Variants in DZIP3 observed in about 807,000 individuals in gnomAD.
The protein encoded by DZIP3 is E3 ubiquitin-protein ligase DZIP3.
DZIP3 carries 118 observed loss-of-function variants against 162.0 expected under a neutral mutation model. That is an observed-to-expected ratio of 0.73 (90% CI 0.63 to 0.85). The LOEUF (loss-of-function observed/expected upper bound fraction) is 0.85, where lower values mean the gene tolerates loss of function less well. Among genes scored for constraint, DZIP3 ranks in the 40% least tolerant of loss-of-function variants. The pLI is 0.00. For synonymous variants in DZIP3, 438 were observed against 458.6 expected (o/e 0.96, Z 0.57); for missense variants, 1,331 against 1,407.0 (o/e 0.95, Z 0.86).
chr3:108,593,309 G>GA (rs1301257036), intron 1 of DZIP3, among the ~76,000 whole-genome samples: 3 of 152,094 alleles, frequency 2.0e-5, no homozygotes, highest in Non-Finnish European at 2.9e-5. Context: ...TTCTAGAGAT[G>GA]AAAAAACTAA....
intron 27 of DZIP3, among the ~76,000 whole-genome samples, chr3:108,684,745 C>G (rs894457257): frequency 6.6e-6 from 1 of 152,056 alleles, no homozygotes; most frequent in African/African-American, 2.4e-5. Flanking sequence ...TTTCCACACA[C>G]GTACACACAC....
chr3:108,605,451 T>TC lies in DZIP3; in HGVS notation c.32+17dup. ...AATTTTTTGTGAGGTAAGGCCACAG[T>TC]CCCCAACCTTTTTGGCACCATGGAC... is the stretch of plus-strand genomic sequence containing the variant. On this transcript the variant is annotated intron_variant, in intron 2 of 32. Transcript: ENST00000361582. 1 of 1,612,818 alleles carries TC rather than the reference T, an allele frequency of 6.2e-7. No individual in the cohort carries two copies. The highest frequency in any genetic ancestry group is 8.5e-7 in the Non-Finnish European group (1 of 1,179,526).
In DZIP3 at chr3:108,676,056, G is replaced by T. The variant is rs1030940193; in HGVS notation, c.2781+183G>T. Among the ~76,000 whole-genome samples, 11 of 152,166 alleles carry T rather than the reference G, an allele frequency of 7.2e-5. No individual in the cohort carries two copies. In the East Asian group the frequency reaches 1.7e-3, roughly 24 times the overall value. ...TGTAGATAACATCCTAGACTCACAC[G>T]TGTAGTCTTTTATATCCTTAGTCAA... On this transcript the variant is annotated intron_variant, in intron 25 of 32. Coordinates refer to ENST00000361582, the MANE Select transcript of DZIP3 (RefSeq NM_014648.4).
intron 21 of DZIP3, among the ~76,000 whole-genome samples, chr3:108,666,090 A>G (rs1416819637): frequency 6.6e-6 from 1 of 152,188 alleles, no homozygotes; most frequent in African/African-American, 2.4e-5. Context: ...AATTTCTTAA[A>G]TCATATTTGA....
chr3:108,611,027 T>C, intron 3 of DZIP3, 147 bp from the exon 4 acceptor site: 1 of 669,474 alleles, frequency 1.5e-6, no homozygotes, highest in African/African-American at 1.9e-5. Flanking sequence ...TTATTCTTCC[T>C]TAGATTTTTT....
In DZIP3 at chr3:108,688,743, C is replaced by A; in HGVS notation, c.3414+7C>A. ...GGAAGGAGCCAGTAATCCAGTGAGA[C>A]TGAAATTTTTGATTCTGAACACATT... On this transcript the variant is annotated splice_region_variant and intron_variant, in intron 30 of 32. Transcript: ENST00000361582. 6.2e-7 allele frequency: 1 copy of A among 1,613,676 alleles called. No homozygotes were observed. Among genetic ancestry groups the A allele is most frequent in the Non-Finnish European group, 8.5e-7 (1 of 1,179,920 alleles).
chr3:108,591,649 C>T (rs1340459982), intron 1 of DZIP3, among the ~76,000 whole-genome samples: 1 of 152,172 alleles, frequency 6.6e-6, no homozygotes, highest in African/African-American at 2.4e-5. Flanking sequence ...GAGATACTTG[C>T]ATATCCTAAT....
rs1259643163 is a variant in DZIP3, at chr3:108,662,239, G to A, written c.2405G>A (p.Gly802Glu). 4 of 1,595,458 alleles carry A rather than the reference G, an allele frequency of 2.5e-6. No homozygotes were observed. The highest frequency in any genetic ancestry group is 1.8e-5 in the Admixed American group (1 of 54,396). Residue 802 changes from glycine to glutamate, a missense_variant, in exon 21 of 33, where the codon GGA (glycine) becomes GAA (glutamate). Gly to Glu is a moderately conservative substitution (Grantham distance 98). This residue lies in a region of DZIP3 where 1,278 missense variants were observed against 1,317.1 expected (regional missense o/e 0.97). Coordinates refer to ENST00000361582, the MANE Select transcript of DZIP3 (RefSeq NM_014648.4). Reference protein sequence around the residue: ...IASLNQQVAFGINKVSKLQRQ... With the variant: ...IASLNQQVAFEINKVSKLQRQ... Reference sequence around the variant, plus strand: ...TCTCTTAATCAACAAGTTGCTTTTGGAATCAATAAGGTTTCCAAGTAAGTG... The same window carrying A: ...TCTCTTAATCAACAAGTTGCTTTTGAAATCAATAAGGTTTCCAAGTAAGTG...
intron 15 of DZIP3, 146 bp from the exon 16 acceptor site, chr3:108,647,797 C>T: frequency 1.6e-6 from 1 of 638,138 alleles, no homozygotes; most frequent in South Asian, 2.6e-5. Context: ...AAATGAACAT[C>T]ACATTTTCAT....
intron 31 of DZIP3, among the ~76,000 whole-genome samples, chr3:108,689,665 T>C (rs1463381626): frequency 6.6e-6 from 1 of 152,116 alleles, no homozygotes; most frequent in Non-Finnish European, 1.5e-5. Flanking sequence ...CCAGCCTGGG[T>C]GATAGAGTGA....
At chr3:108,661,040 C>G (rs1299616330) in intron 19 of DZIP3, among the ~76,000 whole-genome samples, 1 of 152,184 alleles carries the variant, frequency 6.6e-6, no homozygotes, top group African/African-American at 2.4e-5. Flanking sequence ...GTTGGTGGGA[C>G]TGTAAACTAG....
In DZIP3 at chr3:108,616,700, C is replaced by A; in HGVS notation, c.375+43C>A. On this transcript the variant is annotated intron_variant, in intron 5 of 32. Coordinates refer to ENST00000361582, the MANE Select transcript of DZIP3 (RefSeq NM_014648.4). ...GGAAATTTGATATAATGGACTTGGT[C>A]AACATTTCTCAGTGAGAAAACAGCC... is the stretch of plus-strand genomic sequence containing the variant. 2.9e-6 allele frequency: 4 copies of A among 1,372,242 alleles called. No individual in the cohort carries two copies. In the South Asian group the frequency reaches 5.1e-5, roughly 18 times the overall value. 85.0% of individuals were successfully genotyped at this position (1,372,242 alleles called of 1,614,324 possible).
Position 108,642,517 on chromosome 3 carries a change from A to AT in DZIP3, c.1141+5dup, listed in dbSNP as rs1361351716. ...CAGTTTAAAATTTAATACAAAAGGT[A>AT]TTATTTTATTTTTATATGCCTTCTG... is the stretch of plus-strand genomic sequence containing the variant. On this transcript the variant is annotated splice_donor_region_variant and intron_variant, in intron 13 of 32. Coordinates refer to ENST00000361582, the MANE Select transcript of DZIP3 (RefSeq NM_014648.4). The AT allele has an allele frequency of 6.9e-6, 10 of 1,449,936 alleles. No homozygotes were observed. Among genetic ancestry groups the AT allele is most frequent in the Non-Finnish European group, 8.3e-6 (9 of 1,080,012 alleles). 89.8% of individuals were successfully genotyped at this position (1,449,936 alleles called of 1,614,324 possible). A position where few individuals can be genotyped will look rare whatever the true frequency, so the allele number is the denominator to read the frequency against.
chr3:108,670,051 G>A (rs1260502689), intron 22 of DZIP3, among the ~76,000 whole-genome samples: 1 of 151,892 alleles, frequency 6.6e-6, no homozygotes, highest in Non-Finnish European at 1.5e-5. Context: ...ACCCCAGTCA[G>A]TACTATTAGA....
rs755848845 is a variant in DZIP3, at chr3:108,633,011, G to A, written c.755G>A (p.Cys252Tyr). Reference sequence around the variant, plus strand: ...AGCAATATAATGAAGCAGACGATTTGTAGTTACCTAGATTGTGAACGATCT... The same window carrying A: ...AGCAATATAATGAAGCAGACGATTTATAGTTACCTAGATTGTGAACGATCT... ...TESNIMKQTI[C>Y]SYLDCERSCE... is the part of the protein sequence containing the mutation. Residue 252 changes from cysteine to tyrosine, a missense_variant, in exon 9 of 33, where the codon TGT (cysteine) becomes TAT (tyrosine). Physicochemically the swap from Cys to Tyr is radical, Grantham distance 194. This residue lies in a region of DZIP3 where 1,278 missense variants were observed against 1,317.1 expected (regional missense o/e 0.97). Transcript: ENST00000361582. 4 of 1,508,290 alleles carry A rather than the reference G, an allele frequency of 2.7e-6. No individual in the cohort carries two copies. Among genetic ancestry groups the A allele is most frequent in the South Asian group, 2.8e-5 (2 of 70,850 alleles). 93.4% of individuals were successfully genotyped at this position (1,508,290 alleles called of 1,614,324 possible).
At chr3:108,607,984 G>A in intron 2 of DZIP3, 105 bp from the exon 3 acceptor site, 1 of 929,010 alleles carries the variant, frequency 1.1e-6, no homozygotes, top group South Asian at 1.4e-5. Flanking sequence ...GATACATTTT[G>A]GTTACACTTT....
Position 108,661,857 on chromosome 3 carries a change from A to C in DZIP3, c.2200-20A>C. The C allele has an allele frequency of 1.3e-6, 2 of 1,594,072 alleles. No homozygotes were observed. ...TTTTTTTGAGGAAAATAATACATGC[A>C]TATTTCCTGTGCTCAATAGGGCTCA... is the stretch of plus-strand genomic sequence containing the variant. On this transcript the variant is annotated intron_variant, in intron 19 of 32. Coordinates refer to ENST00000361582, the MANE Select transcript of DZIP3 (RefSeq NM_014648.4).
intron 3 of DZIP3, among the ~76,000 whole-genome samples, chr3:108,609,014 G>A (rs776563480): frequency 2.6e-5 from 4 of 152,262 alleles, no homozygotes; most frequent in Non-Finnish European, 5.9e-5. Context: ...CGGCAGGAGA[G>A]AAAGAGACCA....
Position 108,662,582 on chromosome 3 carries a change from A to G in DZIP3, c.2423+325A>G, listed in dbSNP as rs561943043. On this transcript the variant is annotated intron_variant, in intron 21 of 32. Coordinates refer to ENST00000361582, the MANE Select transcript of DZIP3 (RefSeq NM_014648.4). ...GACCAATGATTGGCTGTTTCTATAT[A>G]GTATATGAGTACATTCCTTAAAGAC... Among the ~76,000 whole-genome samples the G allele has an allele frequency of 2.0e-5, 3 of 152,360 alleles. No homozygotes were observed. The South Asian group carries it at 6.2e-4, about 32-fold the overall frequency.
Sources: allele counts gnomAD v4.1 joint callset (sites outside exome capture counted in the v4.1 genomes callset), GRCh38; gene constraint gnomAD v4.1.1; regional missense constraint gnomAD v4.1.1; transcripts MANE v1.5; gene names NCBI Gene and HGNC (gene_info 2026-07-23, HGNC 2026-07-21).